USP47: variants seen among roughly 807,000 people sequenced by gnomAD.
The protein encoded by USP47 is ubiquitin specific peptidase 47, also known as ubiquitin carboxyl-terminal hydrolase 47.
In USP47, 35 loss-of-function variants were observed where a neutral mutation model predicts 165.1. That is an observed-to-expected ratio of 0.21 (90% CI 0.16 to 0.28). The LOEUF (loss-of-function observed/expected upper bound fraction) is 0.28, where lower values mean the gene tolerates loss of function less well. Among genes scored for constraint, USP47 ranks in the 10% least tolerant of loss-of-function variants. USP47 has a pLI of 1.00. For missense variants in USP47, 1,277 were observed against 1,607.4 expected, an observed-to-expected ratio of 0.79 and a Z score of 3.52; for synonymous variants, 531 against 544.5, an observed-to-expected ratio of 0.98 and a Z score of 0.35.
intron 4 of USP47, among the ~76,000 whole-genome samples, chr11:11,893,832 A>G (rs1851692490): frequency 1.3e-5 from 2 of 151,970 alleles, no homozygotes; most frequent in East Asian, 1.9e-4. Context: ...ATGGTGCCCA[A>G]CTCCAGGTTT....
intron 8 of USP47, among the ~76,000 whole-genome samples, chr11:11,919,368 A>T (rs1279247853): frequency 6.6e-6 from 1 of 152,006 alleles, no homozygotes; most frequent in Non-Finnish European, 1.5e-5. Context: ...AAGAGAGAAC[A>T]TCAGATGAAA....
Position 11,929,482 on chromosome 11 carries a change from G to A in USP47, c.1435G>A (p.Ala479Thr). ...CTCTGTTATGGTTCATTCTGGGAGCGCTGCTGGTGGTCATTATTATGCATG... is the reference window on the plus strand; with the variant it reads ...CTCTGTTATGGTTCATTCTGGGAGCACTGCTGGTGGTCATTATTATGCATG... ...LFSVMVHSGS[A>T]AGGHYYACIK... Residue 479 changes from alanine to threonine, a missense_variant, in exon 12 of 28, where the codon GCT (alanine) becomes ACT (threonine). This residue lies in a region of USP47 where 909 missense variants were observed against 1,068.1 expected (regional missense o/e 0.85). Transcript: ENST00000527733. 2 of 1,613,124 alleles carry A rather than the reference G, an allele frequency of 1.2e-6. No homozygotes were observed. The highest frequency in any genetic ancestry group is 1.7e-6 in the Non-Finnish European group (2 of 1,179,358).
intron 8 of USP47, among the ~76,000 whole-genome samples, chr11:11,919,078 A>G (rs1853637696): frequency 6.6e-6 from 1 of 151,982 alleles, no homozygotes; most frequent in Non-Finnish European, 1.5e-5. Context: ...TTCTGAGAAC[A>G]AAATAGGGGA....
At chr11:11,850,240 T>A (rs1432804653) in intron 1 of USP47, among the ~76,000 whole-genome samples, 1 of 151,992 alleles carries the variant, frequency 6.6e-6, no homozygotes, top group Non-Finnish European at 1.5e-5. Flanking sequence ...TGTTGTTAGA[T>A]GTTGGGCCTA....
At chr11:11,884,670 GTT>G in intron 3 of USP47, 90 bp downstream of exon 3, 1 of 843,570 alleles carries the variant, frequency 1.2e-6, no homozygotes, top group East Asian at 2.6e-5. Context: ...AATAAGATGT[GTT>G]TTGTAATTTG....
intron 1 of USP47, among the ~76,000 whole-genome samples, chr11:11,879,456 C>G (rs1363134414): frequency 6.6e-6 from 1 of 152,058 alleles, no homozygotes; most frequent in Non-Finnish European, 1.5e-5. Context: ...AAGTGGTGTC[C>G]TTTAACAGCT....
chr11:11,953,885 T>C (rs187160165), intron 25 of USP47, among the ~76,000 whole-genome samples: 63 of 152,358 alleles, frequency 4.1e-4, no homozygotes, highest in African/African-American at 1.5e-3. Flanking sequence ...ATATGATTTT[T>C]TTCAAGTTCA....
At chr11:11,857,133 A>C (rs1202958472) in intron 1 of USP47, among the ~76,000 whole-genome samples, 1 of 145,608 alleles carries the variant, frequency 6.9e-6, no homozygotes, top group African/African-American at 2.6e-5. Flanking sequence ...TCCAGGTTGC[A>C]TTAATAAGTA....
At chr11:11,902,509 T>C (rs971788602) in intron 5 of USP47, among the ~76,000 whole-genome samples, 1 of 152,186 alleles carries the variant, frequency 6.6e-6, no homozygotes, top group African/African-American at 2.4e-5. Flanking sequence ...TTGTTATGCC[T>C]TTTCTTGTTA....
chr11:11,888,118 T>C (rs1164531073), intron 3 of USP47, among the ~76,000 whole-genome samples: 19 of 152,066 alleles, frequency 1.2e-4, no homozygotes, highest in Admixed American at 1.2e-3. Flanking sequence ...GCTAGGAAGA[T>C]GTCAAGTTAA....
intron 1 of USP47, among the ~76,000 whole-genome samples, chr11:11,865,351 T>G (rs1849612515): frequency 6.6e-6 from 1 of 152,178 alleles, no homozygotes; most frequent in African/African-American, 2.4e-5. Context: ...TAGGGTCTGT[T>G]TTTTCTTTAT....
In USP47 at chr11:11,956,149, C is replaced by A; in HGVS notation, c.4042C>A (p.Pro1348Thr). 1 of 1,613,960 alleles carries A rather than the reference C, an allele frequency of 6.2e-7. No individual in the cohort carries two copies. The highest frequency in any genetic ancestry group is 8.5e-7 in the Non-Finnish European group (1 of 1,179,960). ...ACTAAAAATATATCTGGATGGAGCACCAAATAAAGATCTGACTCAAGACTG... is the reference window on the plus strand; with the variant it reads ...ACTAAAAATATATCTGGATGGAGCAACAAATAAAGATCTGACTCAAGACTG... ...KALKIYLDGA[P>T]NKDLTQD is the part of the protein sequence containing the mutation. The change falls in exon 28 of 28, where the codon CCA (proline) becomes ACA (threonine). Residue 1348 changes from proline (P) to threonine (T), a missense_variant. Pro to Thr is a conservative substitution (Grantham distance 38). Coordinates refer to ENST00000527733, the MANE Select transcript of USP47 (RefSeq NM_001282659.2).
At chr11:11,848,878 G>A (rs1300254355) in intron 1 of USP47, among the ~76,000 whole-genome samples, 20 of 152,082 alleles carry the variant, frequency 1.3e-4, no homozygotes, top group Admixed American at 1.3e-3. Context: ...CAAAGTGCTG[G>A]GATTACAGGC....
intron 1 of USP47, among the ~76,000 whole-genome samples, chr11:11,851,066 G>C (rs1256966058): frequency 1.3e-5 from 2 of 152,184 alleles, no homozygotes; most frequent in Non-Finnish European, 2.9e-5. Context: ...AGGAGACATA[G>C]GCATTTAGAC....
intron 5 of USP47, among the ~76,000 whole-genome samples, chr11:11,898,514 C>G (rs192362037): frequency 8.0e-4 from 122 of 152,068 alleles, no homozygotes; most frequent in African/African-American, 2.8e-3. Flanking sequence ...TCTGAACTTA[C>G]AGAAGTTGAT....
chr11:11,886,414 T>C (rs1452728189), intron 3 of USP47, among the ~76,000 whole-genome samples: 2 of 152,122 alleles, frequency 1.3e-5, no homozygotes, highest in Non-Finnish European at 2.9e-5. Context: ...CTGATAGAGC[T>C]GAAAAATACA....
chr11:11,932,808 C>T (rs1251089560), intron 14 of USP47, among the ~76,000 whole-genome samples, 196 bp from the exon 15 acceptor site: 1 of 152,114 alleles, frequency 6.6e-6, no homozygotes, highest in Non-Finnish European at 1.5e-5. Context: ...TGGACCTAAC[C>T]ATGTGTCCCT....
intron 24 of USP47, 66 bp downstream of exon 24, chr11:11,950,548 G>A: frequency 9.3e-7 from 1 of 1,077,412 alleles, no homozygotes; most frequent in Non-Finnish European, 1.4e-6. Context: ...GAAGCCTATA[G>A]TTTTTAATCA....
intron 5 of USP47, among the ~76,000 whole-genome samples, chr11:11,900,270 C>T (rs1299156199): frequency 1.3e-5 from 2 of 148,436 alleles, no homozygotes; most frequent in Non-Finnish European, 3.0e-5. Flanking sequence ...TGTTCATTCT[C>T]CTGCCTCAGC....
Sources: gnomAD v4.1 joint callset for allele counts (sites outside exome capture counted in the v4.1 genomes callset) on GRCh38, gnomAD v4.1.1 for gene constraint, gnomAD v4.1.1 regional missense constraint, MANE v1.5 for transcripts, NCBI Gene and HGNC (gene_info 2026-07-23, HGNC 2026-07-21) for gene names.